Variants in ZSWIM5 observed in about 807,000 individuals in gnomAD.
The protein encoded by ZSWIM5 is zinc finger SWIM-type containing 5, also known as zinc finger SWIM domain-containing protein 5.
Under a neutral mutation model 119.6 loss-of-function variants are expected in ZSWIM5, and 55 were observed. That is an observed-to-expected ratio of 0.46 (90% CI 0.37 to 0.58). The LOEUF is 0.58. Ranked by LOEUF, ZSWIM5 falls within the 20% of genes least tolerant of loss-of-function variation. The probability of loss-of-function intolerance (pLI) is 0.00; values close to 1 mark genes in which losing one functional copy is unlikely to be tolerated. For synonymous variants in ZSWIM5, 537 were observed against 606.9 expected, an observed-to-expected ratio of 0.88 and a Z score of 1.69; for missense variants, 1,193 against 1,512.8, an observed-to-expected ratio of 0.79 and a Z score of 3.51.
chr1:45,038,241 G>A (rs1421688273), intron 8 of ZSWIM5, among the ~76,000 whole-genome samples: 1 of 152,118 alleles, frequency 6.6e-6, no homozygotes, highest in Non-Finnish European at 1.5e-5. Context: ...AAGTTCAAAG[G>A]AAACCAGAAA....
At chr1:45,060,068 A>C (rs935044967) in intron 3 of ZSWIM5, 31 bp downstream of exon 3, 1 of 1,612,756 alleles carries the variant, frequency 6.2e-7, no homozygotes, top group African/African-American at 1.3e-5. Flanking sequence ...TTTTGTCAAC[A>C]ACAAAAGAAA....
intron 1 of ZSWIM5, among the ~76,000 whole-genome samples, chr1:45,192,738 G>C (rs1646099929): frequency 6.6e-6 from 1 of 152,090 alleles, no homozygotes; most frequent in South Asian, 2.1e-4. Context: ...CTGCCATACT[G>C]TTTTCTACAA....
At chr1:45,181,021 G>A (rs1251188493) in intron 1 of ZSWIM5, among the ~76,000 whole-genome samples, 1 of 152,148 alleles carries the variant, frequency 6.6e-6, no homozygotes, top group Non-Finnish European at 1.5e-5. Context: ...CTAAAAAGCA[G>A]AGCGCCTCTC....
At chr1:45,202,133 T>C (rs901421261) in intron 1 of ZSWIM5, among the ~76,000 whole-genome samples, 2 of 152,132 alleles carry the variant, frequency 1.3e-5, no homozygotes, top group African/African-American at 4.8e-5. Flanking sequence ...TGGAATACCT[T>C]AAATATCAAT....
intron 1 of ZSWIM5, among the ~76,000 whole-genome samples, chr1:45,147,692 C>G (rs1645771184): frequency 6.6e-6 from 1 of 150,590 alleles, no homozygotes. Context: ...TTTCCCCTTT[C>G]TAAAAATCCC....
At chr1:45,190,167 T>G (rs1191384999) in intron 1 of ZSWIM5, among the ~76,000 whole-genome samples, 1 of 151,790 alleles carries the variant, frequency 6.6e-6, no homozygotes, top group African/African-American at 2.4e-5. Context: ...AATATAAAAA[T>G]TAGCCAAATT....
At chr1:45,158,167 T>A (rs965156584) in intron 1 of ZSWIM5, among the ~76,000 whole-genome samples, 13 of 152,276 alleles carry the variant, frequency 8.5e-5, no homozygotes, top group South Asian at 4.1e-4. Context: ...TATATTTTTT[T>A]AATTTATTTT....
chr1:45,186,621 T>A (rs1011992566), intron 1 of ZSWIM5, among the ~76,000 whole-genome samples: 2 of 141,208 alleles, frequency 1.4e-5, no homozygotes, highest in Non-Finnish European at 3.2e-5. Context: ...TTATTTATTT[T>A]TTGAGACAGT....
At chr1:45,163,698 T>A (rs1289364504) in intron 1 of ZSWIM5, among the ~76,000 whole-genome samples, 3 of 152,152 alleles carry the variant, frequency 2.0e-5, no homozygotes, top group African/African-American at 7.2e-5. Flanking sequence ...CAGTAGCTGA[T>A]TCAATCAACT....
In ZSWIM5 at chr1:45,072,919, T is replaced by A. The variant is rs1454041343; in HGVS notation, c.953-12672A>T. Among the ~76,000 whole-genome samples, 5 of 152,024 alleles carry A rather than the reference T, an allele frequency of 3.3e-5. No individual in the cohort carries two copies. Among genetic ancestry groups the A allele is most frequent in the Non-Finnish European group, 5.9e-5 (4 of 68,016 alleles). On this transcript the variant is annotated intron_variant, in intron 2 of 13. Transcript: ENST00000359600. This position sits in a 1 kb window ranked among gnomAD's most constrained non-coding sequence, Gnocchi z 4.1. ...ATTCCAGGTCTTTTGTGGTTTCACA[T>A]AGCAAAAAACAATTTTAGAATTGTG...
At chr1:45,024,949 C>G (rs1199053824) in intron 11 of ZSWIM5, among the ~76,000 whole-genome samples, 1 of 152,176 alleles carries the variant, frequency 6.6e-6, no homozygotes, top group African/African-American at 2.4e-5. Flanking sequence ...GCCACTGCGC[C>G]CGGCCATCCT....
At position 45,072,330 on chromosome 1, in the gene ZSWIM5, T is replaced by C. The variant is rs1570059059; in HGVS notation, c.953-12083A>G. ...ATATATTCTTGTTATTAAGTCCTTG[T>C]CAGATGGGTAGTTTGCTAATATTTT... On this transcript the variant is annotated intron_variant, in intron 2 of 13. Transcript: ENST00000359600. The surrounding 1 kb of genome is among the most constrained non-coding windows in gnomAD (Gnocchi z 4.1). 6.6e-6 allele frequency among the ~76,000 whole-genome samples: 1 copy of C among 152,062 alleles called. No individual in the cohort carries two copies. The highest frequency in any genetic ancestry group is 1.5e-5 in the Non-Finnish European group (1 of 68,046).
intron 1 of ZSWIM5, among the ~76,000 whole-genome samples, chr1:45,105,386 A>T (rs1645464612): frequency 6.6e-6 from 1 of 152,194 alleles, no homozygotes; most frequent in Admixed American, 6.5e-5. Context: ...CTAGGAAGTG[A>T]GCAGCGTCTC....
intron 1 of ZSWIM5, among the ~76,000 whole-genome samples, chr1:45,193,228 A>G (rs572544935): frequency 1.3e-5 from 2 of 152,180 alleles, no homozygotes; most frequent in Non-Finnish European, 2.9e-5. Context: ...CACAGCTCAG[A>G]TTTTATCTGC....
At chr1:45,066,652 A>G (rs1344861064) in intron 2 of ZSWIM5, among the ~76,000 whole-genome samples, 1 of 152,236 alleles carries the variant, frequency 6.6e-6, no homozygotes, top group Non-Finnish European at 1.5e-5. Flanking sequence ...GAGAGGGAAT[A>G]TCATGTGAAA....
At chr1:45,095,613 C>T (rs1191163656) in intron 1 of ZSWIM5, among the ~76,000 whole-genome samples, 1 of 152,156 alleles carries the variant, frequency 6.6e-6, no homozygotes, top group African/African-American at 2.4e-5. Context: ...AATTACTTCA[C>T]AGGCTGTGTT....
chr1:45,169,070 G>T (rs565747441), intron 1 of ZSWIM5, among the ~76,000 whole-genome samples: 1 of 152,086 alleles, frequency 6.6e-6, no homozygotes, highest in Non-Finnish European at 1.5e-5. Context: ...CACTATCAAT[G>T]CCCATCTCTT....
chr1:45,188,313 A>G (rs934541611), intron 1 of ZSWIM5, among the ~76,000 whole-genome samples: 13 of 152,242 alleles, frequency 8.5e-5, no homozygotes, highest in African/African-American at 3.1e-4. Context: ...GACCTTTAAA[A>G]CATTATGCTA....
chr1:45,043,798 G>A (rs1242024862), intron 5 of ZSWIM5, among the ~76,000 whole-genome samples: 1 of 152,196 alleles, frequency 6.6e-6, no homozygotes, highest in African/African-American at 2.4e-5. Flanking sequence ...GTAGAGAGAA[G>A]AAGCTAGGTA....
Sources: gnomAD v4.1 joint callset for allele counts (sites outside exome capture counted in the v4.1 genomes callset) on GRCh38, gnomAD v4.1.1 for gene constraint, Gnocchi (gnomAD v3.1) non-coding constraint, MANE v1.5 for transcripts, NCBI Gene and HGNC (gene_info 2026-07-23, HGNC 2026-07-21) for gene names.